Variants in NCOR2 observed in about 807,000 individuals in gnomAD.
NCOR2 encodes the protein nuclear receptor corepressor 2, also known as CTG repeat protein 26.
NCOR2 carries 81 observed loss-of-function variants against 262.9 expected under a neutral mutation model. The observed-to-expected ratio is 0.31, with a 90% CI of 0.26 to 0.37. NCOR2 has a LOEUF of 0.37. Ranked by LOEUF, NCOR2 falls within the 10% of genes least tolerant of loss-of-function variation. The pLI, the probability that NCOR2 is intolerant of heterozygous loss-of-function variation, is 1.00. For missense variants in NCOR2, 3,385 were observed against 3,621.4 expected, an observed-to-expected ratio of 0.93 and a Z score of 1.68; for synonymous variants, 1,659 against 1,559.3, an observed-to-expected ratio of 1.06 and a Z score of -1.51.
chr12:124,324,483 T>C (rs556046359), exon 47 of NCOR2: 1 of 152,210 alleles, frequency 6.6e-6, no homozygotes, highest in African/African-American at 2.4e-5. Flanking sequence ...CCTGCGCAGA[T>C]GGCGGCCACA....
exon 24 of NCOR2, chr12:124,355,468 G>A: frequency 6.2e-7 from 1 of 1,613,258 alleles, no homozygotes; most frequent in Non-Finnish European, 8.5e-7. Flanking sequence ...CGAGGACGCT[G>A]GGGTGCTTGG....
In NCOR2 at chr12:124,466,146, G is replaced by A. The variant is rs748272366; in HGVS notation, c.705+27C>T. The A allele has an allele frequency of 3.8e-6, 6 of 1,583,140 alleles. No individual in the cohort carries two copies. The East Asian group carries it at 7.1e-5, about 19-fold the overall frequency. On this transcript the variant is annotated intron_variant, in intron 5 of 46. Transcript: ENST00000405201. The stretch of plus-strand genomic sequence containing the variant: ...AGCGCCTCATGGCCAGCACCGGGGG[G>A]CAGCAGGCCAGGGCGGGGACACATA...
At chr12:124,532,845 G>C (rs1232942955) in intron 1 of NCOR2, among the ~76,000 whole-genome samples, 3 of 140,184 alleles carry the variant, frequency 2.1e-5, no homozygotes, top group Non-Finnish European at 4.6e-5. Flanking sequence ...TCACTTTGTG[G>C]GGGACCGCCA....
Position 124,443,163 on chromosome 12 carries a change from A to C in NCOR2, c.816-5167T>G, listed in dbSNP as rs548567452. 4.1e-3 allele frequency among the ~76,000 whole-genome samples: 630 copies of C among 152,358 alleles called. 2 individuals carry two copies. Among genetic ancestry groups the C allele is most frequent in the Non-Finnish European group, 7.5e-3 (510 of 68,034 alleles). On this transcript the variant is annotated intron_variant, in intron 7 of 46. Transcript: ENST00000405201. This position sits in a 1 kb window ranked among gnomAD's most constrained non-coding sequence, Gnocchi z 4.4. ...AGTGTTAAGGCAGCGCTGAGAAGCT[A>C]GTCCGGCGTGTGATCTTCCACAAAC...
rs149071256 is a variant in NCOR2, at chr12:124,481,519, G to A, written c.411+2077C>T. ...GAGGGCAGCCAGGGCTGGAAGGAGCGAGGAAAGAGGAATGTGCCTGGGGGA... is the reference window on the plus strand; with the variant it reads ...GAGGGCAGCCAGGGCTGGAAGGAGCAAGGAAAGAGGAATGTGCCTGGGGGA... On this transcript the variant is annotated intron_variant, in intron 3 of 46. Coordinates refer to ENST00000405201, the Ensembl canonical transcript of NCOR2. This position sits in a 1 kb window ranked among gnomAD's most constrained non-coding sequence, Gnocchi z 4.6. Among the ~76,000 whole-genome samples, 1 of 152,304 alleles carries A rather than the reference G, an allele frequency of 6.6e-6. No individual in the cohort carries two copies. The highest frequency in any genetic ancestry group is 1.9e-4 in the East Asian group (1 of 5,174).
chr12:124,326,794 A>G (rs918758583), intron 45 of NCOR2, among the ~76,000 whole-genome samples: 1 of 152,116 alleles, frequency 6.6e-6, no homozygotes, highest in African/African-American at 2.4e-5. Context: ...CCTGACCCCC[A>G]CAGAGGCTCC....
In NCOR2 at chr12:124,362,094, C is replaced by T. The variant is rs2038635494; in HGVS notation, c.3100+32G>A. 8.6e-6 allele frequency: 11 copies of T among 1,273,380 alleles called. No homozygotes were observed. In the East Asian group the frequency reaches 3.2e-4, roughly 37 times the overall value. 78.9% of individuals were successfully genotyped at this position (1,273,380 alleles called of 1,614,324 possible). A position where few individuals can be genotyped will look rare whatever the true frequency, so the allele number is the denominator to read the frequency against. On this transcript the variant is annotated intron_variant, in intron 22 of 46. Coordinates refer to ENST00000405201, the Ensembl canonical transcript of NCOR2. ...CCTTGCCCGTCAGTCCCCTGCTGCC[C>T]CAGCCCCACTCAGCCACTGGTGTGC...
rs201788687 is a variant in NCOR2 at position 124,354,487 on chromosome 12, C to A, written c.3580G>T (p.Val1194Leu). 2.6e-6 allele frequency: 4 copies of A among 1,560,764 alleles called. No individual in the cohort carries two copies. The African/African-American group carries it at 4.1e-5, about 16-fold the overall frequency. ...GCAGAAGGGCCCTCACCTCTCAGCA[C>A]GGACGCCTCCTGGGCTGTGGGCACC... Residue 1194 changes from valine to leucine, a missense_variant, in exon 26 of 47, where the codon GTG (valine) becomes TTG (leucine). Physicochemically the swap from Val to Leu is conservative, Grantham distance 32. Transcript: ENST00000405201.
At chr12:124,414,393 G>GC (rs2042750407) in intron 13 of NCOR2, among the ~76,000 whole-genome samples, 1 of 152,136 alleles carries the variant, frequency 6.6e-6, no homozygotes, top group Non-Finnish European at 1.5e-5. Context: ...CATCACTGTC[G>GC]CCGTCATCAT....
rs2048884320 is a variant in NCOR2 at position 124,503,671 on chromosome 12, A to ATGG, written c.-117-8304_-117-8303insCCA. 1.4e-4 allele frequency among the ~76,000 whole-genome samples: 17 copies of ATGG among 122,112 alleles called. No homozygotes were observed. The highest frequency in any genetic ancestry group is 3.0e-4 in the African/African-American group (10 of 33,408). 80.1% of individuals were successfully genotyped at this position (122,112 alleles called of 152,430 possible). ...GGATGGATGGATGGATGGACGGGTG[A>ATGG]ATGGATGGATGGATGGATGGATGGA... On this transcript the variant is annotated intron_variant, in intron 1 of 46. Transcript: ENST00000404621. The surrounding 1 kb of genome is among the most constrained non-coding windows in gnomAD (Gnocchi z 4.3).
intron 2 of NCOR2, among the ~76,000 whole-genome samples, chr12:124,484,956 C>T (rs1003190158): frequency 6.6e-6 from 1 of 152,248 alleles, no homozygotes; most frequent in Non-Finnish European, 1.5e-5. Flanking sequence ...TGTTGCTGGC[C>T]CCCCCGGGGA....
chr12:124,465,788 C>T (rs1424282464), intron 5 of NCOR2, among the ~76,000 whole-genome samples: 1 of 152,220 alleles, frequency 6.6e-6, no homozygotes, highest in Non-Finnish European at 1.5e-5. Flanking sequence ...AACCTCACTG[C>T]TGCGGTCATA....
Position 124,548,902 on chromosome 12 carries a change from G to A in NCOR2, c.-164-13291C>T, listed in dbSNP as rs1044040614. Reference sequence around the variant, plus strand: ...GCAGGGCTCTGATCTGCTTTCTCGCGAATCCACGCTTACTCATTCTGAGTG... The same window carrying A: ...GCAGGGCTCTGATCTGCTTTCTCGCAAATCCACGCTTACTCATTCTGAGTG... On this transcript the variant is annotated intron_variant, in intron 1 of 32. Coordinates refer to the NCOR2 transcript ENST00000458234. The surrounding 1 kb of genome is among the most constrained non-coding windows in gnomAD (Gnocchi z 5.1). Among the ~76,000 whole-genome samples, 3 of 152,036 alleles carry A rather than the reference G, an allele frequency of 2.0e-5. No homozygotes were observed. Among genetic ancestry groups the A allele is most frequent in the Non-Finnish European group, 2.9e-5 (2 of 68,014 alleles).
At chr12:124,346,516 C>CG (rs11370026) in intron 31 of NCOR2, 48 bp downstream of exon 33, 211,720 of 1,456,164 alleles carry the variant, frequency 0.15, 16,636 homozygotes, top group South Asian at 0.25. Flanking sequence ...CCACAGCCAC[C>CG]GCCACCCCTC....
chr12:124,348,259 G>T, exon 29 of NCOR2: 1 of 1,613,302 alleles, frequency 6.2e-7, no homozygotes. Flanking sequence ...TCTCATGGGG[G>T]GGTCCTGAGC....
intron 31 of NCOR2, among the ~76,000 whole-genome samples, chr12:124,345,488 C>T (rs1002202678): frequency 2.6e-5 from 4 of 152,196 alleles, no homozygotes; most frequent in East Asian, 1.9e-4. Context: ...CTGGGACCTT[C>T]GTAGCCAGGC....
chr12:124,340,110 G>A (rs376725695), exon 37 of NCOR2: 47 of 1,612,674 alleles, frequency 2.9e-5, no homozygotes, highest in Non-Finnish European at 3.8e-5. Flanking sequence ...GGGTCCGAGG[G>A]GAGATGGGCG....
At chr12:124,448,266 C>T (rs1192539574) in intron 7 of NCOR2, among the ~76,000 whole-genome samples, 2 of 152,252 alleles carry the variant, frequency 1.3e-5, no homozygotes, top group African/African-American at 2.4e-5. Flanking sequence ...AGCACCCCTC[C>T]ATCTGTGGCT....
intron 1 of NCOR2, among the ~76,000 whole-genome samples, chr12:124,558,244 A>T (rs570174913): frequency 6.6e-6 from 1 of 151,708 alleles, no homozygotes; most frequent in East Asian, 2.0e-4. Flanking sequence ...TGGGTCACAA[A>T]GAAAAATCAA....
Sources: allele counts gnomAD v4.1 joint callset (sites outside exome capture counted in the v4.1 genomes callset), GRCh38; gene constraint gnomAD v4.1.1; non-coding constraint Gnocchi (gnomAD v3.1); transcripts MANE v1.5; gene names NCBI Gene and HGNC (gene_info 2026-07-23, HGNC 2026-07-21).